The following CSNK1A1 variants were observed in gnomAD, a reference collection of about 807,000 sequenced individuals.
CSNK1A1 encodes casein kinase I isoform alpha.
In CSNK1A1, 7 loss-of-function variants were observed where a neutral mutation model predicts 46.1. The ratio of observed to expected loss-of-function variants is 0.15; its 90% CI spans 0.09 to 0.29. The LOEUF is 0.29. CSNK1A1 is among the 10% of genes least tolerant of loss of function. The pLI is 1.00. For missense variants in CSNK1A1, 96 were observed against 417.1 expected (o/e 0.23, Z 6.71); for synonymous variants, 137 against 141.5 (o/e 0.97, Z 0.23).
At chr5:149,519,342 C>T (rs958977066) in intron 4 of CSNK1A1, among the ~76,000 whole-genome samples, 1 of 151,938 alleles carries the variant, frequency 6.6e-6, no homozygotes, top group Non-Finnish European at 1.5e-5. Flanking sequence ...TGGGCATCTT[C>T]CTTCCAAAAA....
At chr5:149,499,064 T>C (rs1482784878) in intron 9 of CSNK1A1, 3 of 985,258 alleles carry the variant, frequency 3.0e-6, no homozygotes, top group Middle Eastern at 5.2e-4. Flanking sequence ...GATCAACATT[T>C]CTCCAGTGAA....
intron 2 of CSNK1A1, among the ~76,000 whole-genome samples, chr5:149,540,645 T>A (rs752696658): frequency 1.1e-4 from 16 of 152,016 alleles, no homozygotes; most frequent in South Asian, 6.2e-4. Flanking sequence ...AAAGACAGAC[T>A]TAAAAAATAA....
At chr5:149,541,065 G>T (rs1416309108) in intron 2 of CSNK1A1, among the ~76,000 whole-genome samples, 2 of 151,608 alleles carry the variant, frequency 1.3e-5, no homozygotes, top group South Asian at 2.1e-4. Flanking sequence ...GGGCAACAGA[G>T]CAAGACTGCA....
chr5:149,501,437 G>A (rs1032479815), intron 9 of CSNK1A1: 76 of 985,352 alleles, frequency 7.7e-5, no homozygotes, highest in Admixed American at 3.1e-4. Context: ...AGCAGCAATT[G>A]GTGAACTCAG....
At chr5:149,545,748 T>C (rs918709233) in intron 2 of CSNK1A1, 7 of 637,382 alleles carry the variant, frequency 1.1e-5, no homozygotes, top group Admixed American at 1.0e-4. Context: ...CCACCATTTC[T>C]GTGCCATTTT....
At chr5:149,509,981 T>A (rs1186637336) in intron 6 of CSNK1A1, 28 bp from the exon 7 acceptor site, 2 of 1,488,034 alleles carry the variant, frequency 1.3e-6, no homozygotes, top group Non-Finnish European at 1.9e-6. Flanking sequence ...ATAAAAAAGA[T>A]ATACTCAGTG....
intron 9 of CSNK1A1, chr5:149,497,463 T>G (rs372085300): frequency 1.0e-6 from 1 of 986,142 alleles, no homozygotes; most frequent in Non-Finnish European, 1.2e-6. Flanking sequence ...TGATGCTTTT[T>G]TGGCTTTATT....
intron 9 of CSNK1A1, chr5:149,503,780 A>G (rs1760946456): frequency 1.0e-6 from 1 of 985,296 alleles, no homozygotes; most frequent in Non-Finnish European, 1.2e-6. Flanking sequence ...AAACTAACTT[A>G]AAATAAGGTA....
chr5:149,511,416 T>C (rs1196424407), intron 6 of CSNK1A1, among the ~76,000 whole-genome samples: 14 of 148,344 alleles, frequency 9.4e-5, no homozygotes, highest in Admixed American at 8.3e-4. Context: ...AAACAAAATG[T>C]TAGGACATGT....
In CSNK1A1 at chr5:149,502,509, C is replaced by CT. The variant is rs10565880; in HGVS notation, c.1006+2937dup. On this transcript the variant is annotated intron_variant, in intron 9 of 9. Transcript: ENST00000377843. ...CAGGCACTCACTACTGCGCCTGGCG[C>CT]TTTTTTTTTTTGGGGGGGGGGGGGT... 140 of 43,204 alleles carry CT rather than the reference C, an allele frequency of 3.2e-3. 1 individual carries two copies. Among genetic ancestry groups the CT allele is most frequent in the Admixed American group, 4.2e-3 (6 of 1,414 alleles). 2.7% of individuals were successfully genotyped at this position (43,204 alleles called of 1,614,324 possible). A position where few individuals can be genotyped will look rare whatever the true frequency, so the allele number is the denominator to read the frequency against.
Position 149,550,803 on chromosome 5 carries a change from A to C in CSNK1A1, c.123+39T>G. The C allele has an allele frequency of 1.9e-6, 3 of 1,613,354 alleles. No homozygotes were observed. The highest frequency in any genetic ancestry group is 2.5e-6 in the Non-Finnish European group (3 of 1,179,530). On this transcript the variant is annotated intron_variant, in intron 1 of 9. Coordinates refer to ENST00000377843, the MANE Select transcript of CSNK1A1 (RefSeq NM_001892.6). The surrounding 1 kb of genome is among the most constrained non-coding windows in gnomAD (Gnocchi z 4.3). Reference sequence around the variant, plus strand: ...CGGTGGTGGTGGGGGGAATGAGTAAAAGCGCAGCGTTATCGTGAACCCCAC... The same window carrying C: ...CGGTGGTGGTGGGGGGAATGAGTAACAGCGCAGCGTTATCGTGAACCCCAC...
chr5:149,542,592 T>TTA (rs1160379269), intron 2 of CSNK1A1, among the ~76,000 whole-genome samples: 10 of 26,694 alleles, frequency 3.7e-4, no homozygotes, highest in African/African-American at 5.0e-4. Context: ...AGATACAAAT[T>TTA]TATATATATA....
intron 9 of CSNK1A1, chr5:149,503,373 C>T (rs1437215458): frequency 1.0e-5 from 10 of 985,242 alleles, no homozygotes; most frequent in Non-Finnish European, 1.2e-5. Context: ...CAGATGTTTT[C>T]AAGATGTCAA....
At chr5:149,501,042 T>C in intron 9 of CSNK1A1, 1 of 985,430 alleles carries the variant, frequency 1.0e-6, no homozygotes, top group Non-Finnish European at 1.2e-6. Context: ...TTTCCCCAGC[T>C]GGTAGATGGT....
Position 149,501,907 on chromosome 5 carries a change from T to A in CSNK1A1, c.1006+3540A>T, listed in dbSNP as rs1435555908. Reference sequence around the variant, plus strand: ...TGTGTTGGGTGTGAATCTTATGTATTTTTCTTGGGAACATGAATAAAAACA... The same window carrying A: ...TGTGTTGGGTGTGAATCTTATGTATATTTCTTGGGAACATGAATAAAAACA... On this transcript the variant is annotated intron_variant, in intron 9 of 9. Transcript: ENST00000377843. 3 of 956,852 alleles carry A rather than the reference T, an allele frequency of 3.1e-6. No homozygotes were observed. In the African/African-American group the frequency reaches 5.3e-5, roughly 17 times the overall value. 59.3% of individuals were successfully genotyped at this position (956,852 alleles called of 1,614,324 possible). A position where few individuals can be genotyped will look rare whatever the true frequency, so the allele number is the denominator to read the frequency against.
In CSNK1A1 at chr5:149,515,961, A is replaced by C. The variant is rs113117861; in HGVS notation, c.457-2752T>G. 4.2e-3 allele frequency among the ~76,000 whole-genome samples: 642 copies of C among 152,346 alleles called. 5 individuals carry two copies. The highest frequency in any genetic ancestry group is 0.015 in the African/African-American group (613 of 41,578). ...TTTACTAACTACATGTTATGAGTAA[A>C]ATCTGCGCCCATTTTAAACAATGCA... On this transcript the variant is annotated intron_variant, in intron 4 of 9. Coordinates refer to ENST00000377843, the MANE Select transcript of CSNK1A1 (RefSeq NM_001892.6).
chr5:149,497,169 A>G (rs1760679234), intron 9 of CSNK1A1: 1 of 1,089,952 alleles, frequency 9.2e-7, no homozygotes. Context: ...TATGCAGAAC[A>G]TATTAGGCAT....
chr5:149,540,540 T>C (rs764607031), intron 2 of CSNK1A1, among the ~76,000 whole-genome samples: 15 of 152,272 alleles, frequency 9.9e-5, no homozygotes, highest in Non-Finnish European at 1.5e-4. Context: ...ATGTACCTCA[T>C]GGTGATAAAC....
At chr5:149,497,569 A>C (rs1760692586) in intron 9 of CSNK1A1, 1 of 985,298 alleles carries the variant, frequency 1.0e-6, no homozygotes, top group South Asian at 4.7e-5. Context: ...GTTTGAATAC[A>C]AGAAGCCTCA....
Sources: allele counts gnomAD v4.1 joint callset (sites outside exome capture counted in the v4.1 genomes callset), GRCh38; gene constraint gnomAD v4.1.1; non-coding constraint Gnocchi (gnomAD v3.1); transcripts MANE v1.5; gene names NCBI Gene and HGNC (gene_info 2026-07-23, HGNC 2026-07-21).